The following RNF216 variants were observed in gnomAD, a reference collection of about 807,000 sequenced individuals.
RNF216 encodes E3 ubiquitin-protein ligase RNF216.
In RNF216, 72 loss-of-function variants were observed where a neutral mutation model predicts 110.8. The ratio of observed to expected loss-of-function variants is 0.65; its 90% CI spans 0.54 to 0.79. RNF216 has a LOEUF of 0.79. Ranked by LOEUF, RNF216 falls within the 30% of genes least tolerant of loss-of-function variation. The pLI is 0.00. For missense variants in RNF216, 1,342 were observed against 1,141.2 expected, an observed-to-expected ratio of 1.18 and a Z score of -2.54; for synonymous variants, 495 against 407.5, an observed-to-expected ratio of 1.21 and a Z score of -2.59.
At chr7:5,745,893 TAAAAAAAA>T (rs55943759) in intron 3 of RNF216, among the ~76,000 whole-genome samples, 1 of 130,036 alleles carries the variant, frequency 7.7e-6, no homozygotes, top group African/African-American at 2.9e-5. Flanking sequence ...GAGACTGTCT[TAAAAAAAA>T]AAAAAAAAAA....
rs1786319840 is a variant in RNF216 at position 5,621,017 on chromosome 7, G to T, written c.*1843C>A. ...CACTGTCGTTCAGGCTAGTAGCAAA[G>T]TTCAGGCAGTCCAACAGGTATGGGC... On this transcript the variant is annotated 3_prime_UTR_variant, in exon 17 of 17. Coordinates refer to ENST00000389902, the MANE Select transcript of RNF216 (RefSeq NM_207111.4). The T allele has an allele frequency of 6.6e-6, 1 of 152,282 alleles. No individual in the cohort carries two copies. The highest frequency in any genetic ancestry group is 1.5e-5 in the Non-Finnish European group (1 of 68,086). 9.4% of individuals were successfully genotyped at this position (152,282 alleles called of 1,614,324 possible). A position where few individuals can be genotyped will look rare whatever the true frequency, so the allele number is the denominator to read the frequency against.
At chr7:5,780,962 C>A (rs1470352367) in intron 1 of RNF216, among the ~76,000 whole-genome samples, 1 of 152,236 alleles carries the variant, frequency 6.6e-6, no homozygotes, top group African/African-American at 2.4e-5. Context: ...CGCTGCCCAG[C>A]GCCCGGACAC....
chr7:5,728,326 T>G (rs1188886539), intron 7 of RNF216, among the ~76,000 whole-genome samples: 1 of 151,972 alleles, frequency 6.6e-6, no homozygotes, highest in Non-Finnish European at 1.5e-5. Context: ...ATGTAGGTAA[T>G]CCCAGCACTG....
chr7:5,658,199 C>T (rs565629635), intron 13 of RNF216, among the ~76,000 whole-genome samples: 1 of 152,316 alleles, frequency 6.6e-6, no homozygotes, highest in Admixed American at 6.5e-5. Flanking sequence ...AGTGCTTCTC[C>T]TACTGGGATC....
intron 13 of RNF216, among the ~76,000 whole-genome samples, chr7:5,700,202 T>C (rs1791876850): frequency 6.6e-6 from 1 of 152,098 alleles, no homozygotes; most frequent in Non-Finnish European, 1.5e-5. Flanking sequence ...GTGCTGAGAA[T>C]GCAAAGAGGG....
At chr7:5,679,606 G>A (rs1227877158) in intron 13 of RNF216, among the ~76,000 whole-genome samples, 2 of 152,172 alleles carry the variant, frequency 1.3e-5, no homozygotes, top group African/African-American at 2.4e-5. Flanking sequence ...ATTTGATAAG[G>A]CTTAGCTCCA....
intron 13 of RNF216, among the ~76,000 whole-genome samples, chr7:5,704,674 A>G (rs1221894855): frequency 6.6e-6 from 1 of 152,220 alleles, no homozygotes; most frequent in Non-Finnish European, 1.5e-5. Context: ...CTCGTTCCAC[A>G]GCCCACAAAT....
intron 1 of RNF216, among the ~76,000 whole-genome samples, chr7:5,763,921 G>A (rs1202084448): frequency 1.3e-5 from 2 of 152,148 alleles, no homozygotes; most frequent in African/African-American, 2.4e-5. Context: ...GGGCACGACA[G>A]CTCATGGCTG....
chr7:5,671,762 G>T (rs1344797653), intron 13 of RNF216, among the ~76,000 whole-genome samples: 2 of 132,784 alleles, frequency 1.5e-5, no homozygotes. Flanking sequence ...CCGAGATTGT[G>T]CCACTGCACT....
At chr7:5,734,325 T>C (rs1794264387) in intron 5 of RNF216, among the ~76,000 whole-genome samples, 1 of 152,112 alleles carries the variant, frequency 6.6e-6, no homozygotes, top group South Asian at 2.1e-4. Context: ...AACATAATGC[T>C]GAGTGAAAAG....
intron 4 of RNF216, 74 bp from the exon 5 acceptor site, chr7:5,739,426 C>CA (rs1358086550): frequency 7.1e-7 from 1 of 1,410,892 alleles, no homozygotes; most frequent in African/African-American, 1.4e-5. Flanking sequence ...AGACAGATGG[C>CA]AAAAAGTATA....
chr7:5,703,799 AGTGTGCCTAAACCT>A (rs1392731712), intron 13 of RNF216, among the ~76,000 whole-genome samples: 1 of 152,198 alleles, frequency 6.6e-6, no homozygotes, highest in Non-Finnish European at 1.5e-5. Context: ...TTGCTTCATG[AGTGTGCCTAAACCT>A]CCACCTTGTG....
rs180911797 is a variant in RNF216 at position 5,706,619 on chromosome 7, C to T, written c.2061+5142G>A. On this transcript the variant is annotated intron_variant, in intron 13 of 16. Coordinates refer to ENST00000389902, the MANE Select transcript of RNF216 (RefSeq NM_207111.4). ...CAAATTTTAACCATTCATCTGTTGACGAACATGTCAGTAAGTGGTTTCCAT... is the reference window on the plus strand; with the variant it reads ...CAAATTTTAACCATTCATCTGTTGATGAACATGTCAGTAAGTGGTTTCCAT... 5.0e-4 allele frequency among the ~76,000 whole-genome samples: 76 copies of T among 152,310 alleles called. 1 individual carries two copies. Among genetic ancestry groups the T allele is most frequent in the East Asian group, 1.7e-3 (9 of 5,188 alleles).
intron 2 of RNF216, among the ~76,000 whole-genome samples, chr7:5,759,118 T>G (rs1246679433): frequency 2.6e-5 from 4 of 152,192 alleles, no homozygotes; most frequent in African/African-American, 9.6e-5. Context: ...GTGGCACCTC[T>G]TCCCCAACCC....
intron 1 of RNF216, among the ~76,000 whole-genome samples, chr7:5,779,433 A>G (rs1308009853): frequency 1.3e-5 from 2 of 152,140 alleles, no homozygotes; most frequent in Non-Finnish European, 2.9e-5. Context: ...ATAAATTATG[A>G]AATACAAAAC....
intron 1 of RNF216, among the ~76,000 whole-genome samples, chr7:5,761,444 C>T (rs1015697289): frequency 2.0e-5 from 3 of 152,154 alleles, no homozygotes; most frequent in Non-Finnish European, 4.4e-5. Flanking sequence ...AAAGAAAACA[C>T]AGAAGATGCT....
At chr7:5,723,774 AG>A (rs1441822002) in intron 8 of RNF216, among the ~76,000 whole-genome samples, 1 of 152,250 alleles carries the variant, frequency 6.6e-6, no homozygotes, top group Non-Finnish European at 1.5e-5. Flanking sequence ...AAGCAATTAT[AG>A]CCCAAAGAGC....
chr7:5,679,212 G>C (rs945315440), intron 13 of RNF216, among the ~76,000 whole-genome samples: 1 of 146,322 alleles, frequency 6.8e-6, no homozygotes, highest in Non-Finnish European at 1.6e-5. Flanking sequence ...GTGCGGTGGC[G>C]GGGGGGCGGT....
chr7:5,690,324 T>C (rs1352215002), intron 13 of RNF216, among the ~76,000 whole-genome samples: 1 of 129,310 alleles, frequency 7.7e-6, no homozygotes, highest in Admixed American at 7.4e-5. Context: ...TGAAATTCCA[T>C]CTCAAAAAAA....
Sources: gnomAD v4.1 joint callset for allele counts (sites outside exome capture counted in the v4.1 genomes callset) on GRCh38, gnomAD v4.1.1 for gene constraint, MANE v1.5 for transcripts, NCBI Gene and HGNC (gene_info 2026-07-23, HGNC 2026-07-21) for gene names.